ATP2A2: variants seen among roughly 807,000 people sequenced by gnomAD.
ATP2A2 encodes sarcoplasmic/endoplasmic reticulum calcium ATPase 2.
A neutral mutation model predicts 109.3 loss-of-function variants in ATP2A2; 14 were observed. The ratio of observed to expected loss-of-function variants is 0.13; its 90% confidence interval spans 0.08 to 0.20. ATP2A2 has a LOEUF of 0.20. Ranked by LOEUF, ATP2A2 falls within the 10% of genes least tolerant of loss-of-function variation. The pLI is 1.00. For synonymous variants in ATP2A2, 506 were observed against 490.9 expected (o/e 1.03, Z -0.41); for missense variants, 657 against 1,321.6 (o/e 0.50, Z 7.80).
At position 110,348,532 on chromosome 12, in the gene ATP2A2, G is replaced by A. The variant is rs1346310504; in HGVS notation, c.*2062G>A. Reference sequence around the variant, plus strand: ...GTGCTGCTGAGTTCAGAGGGCCCACGTTCAAGGGATGGAGGTGGAACCTGG... The same window carrying A: ...GTGCTGCTGAGTTCAGAGGGCCCACATTCAAGGGATGGAGGTGGAACCTGG... On this transcript the variant is annotated 3_prime_UTR_variant, in exon 20 of 20. Coordinates refer to ENST00000539276, the MANE Select transcript of ATP2A2 (RefSeq NM_170665.4). 2 of 985,548 alleles carry A rather than the reference G, an allele frequency of 2.0e-6. No homozygotes were observed. Among genetic ancestry groups the A allele is most frequent in the Non-Finnish European group, 2.4e-6 (2 of 830,050 alleles). 61.1% of individuals were successfully genotyped at this position (985,548 alleles called of 1,614,324 possible).
rs549408499 is a variant in ATP2A2 at position 110,349,420 on chromosome 12, T to C, written c.*2950T>C. ...CGCTTGTTGCCACCCCGTGCCTCCCTTGGCCTCTCTGAGCTTTGCCCAGAA... is the reference window on the plus strand; with the variant it reads ...CGCTTGTTGCCACCCCGTGCCTCCCCTGGCCTCTCTGAGCTTTGCCCAGAA... On this transcript the variant is annotated 3_prime_UTR_variant, in exon 20 of 20. Transcript: ENST00000539276. The C allele has an allele frequency of 8.1e-6, 8 of 985,534 alleles. No homozygotes were observed. In the South Asian group the frequency reaches 3.3e-4, roughly 41 times the overall value. 61.0% of individuals were successfully genotyped at this position (985,534 alleles called of 1,614,324 possible). A position where few individuals can be genotyped will look rare whatever the true frequency, so the allele number is the denominator to read the frequency against.
intron 11 of ATP2A2, 156 bp downstream of exon 11, chr12:110,334,299 G>A (rs1878623561): frequency 2.1e-6 from 2 of 944,614 alleles, no homozygotes; most frequent in Admixed American, 4.0e-5. Context: ...CAGGTAAGAT[G>A]CTCTTCCTGT....
intron 3 of ATP2A2, among the ~76,000 whole-genome samples, chr12:110,291,104 C>A (rs1039651772): frequency 6.6e-6 from 1 of 152,074 alleles, no homozygotes; most frequent in African/African-American, 2.4e-5. Flanking sequence ...GATAGGGTTT[C>A]TTCGTGTTGG....
chr12:110,318,973 C>T (rs566793116), intron 5 of ATP2A2, among the ~76,000 whole-genome samples: 45 of 152,248 alleles, frequency 3.0e-4, no homozygotes, highest in African/African-American at 1.1e-3. Context: ...GGATCCATGA[C>T]TCTAGCTATT....
intron 1 of ATP2A2, 54 bp from the exon 2 acceptor site, chr12:110,282,546 CTTTT>C: frequency 4.6e-6 from 6 of 1,315,446 alleles, no homozygotes; most frequent in South Asian, 3.7e-5. Flanking sequence ...ATGTCTCTCT[CTTTT>C]TTTTTTTAAC....
rs182252513 is a variant in ATP2A2 at position 110,298,903 on chromosome 12, A to T, written c.463+2166A>T. 1.9e-4 allele frequency among the ~76,000 whole-genome samples: 29 copies of T among 152,300 alleles called. 1 individual carries two copies. The highest frequency in any genetic ancestry group is 1.8e-3 in the Admixed American group (27 of 15,288). Reference sequence around the variant, plus strand: ...GGATGTTCTCTTATATAACCTCAGTATGATTATCAGAATTAGGAAATTGAT... The same window carrying T: ...GGATGTTCTCTTATATAACCTCAGTTTGATTATCAGAATTAGGAAATTGAT... On this transcript the variant is annotated intron_variant, in intron 5 of 19. Transcript: ENST00000539276.
chr12:110,348,587 T>C lies in ATP2A2; in HGVS notation c.*2117T>C, dbSNP rs1282063897. 19 of 985,142 alleles carry C rather than the reference T, an allele frequency of 1.9e-5. No homozygotes were observed. Among genetic ancestry groups the C allele is most frequent in the Non-Finnish European group, 2.3e-5 (19 of 830,024 alleles). 61.0% of individuals were successfully genotyped at this position (985,142 alleles called of 1,614,324 possible). Reference sequence around the variant, plus strand: ...CGACTCTTAAAAGCACAGTCCGTGGTTGGGTGTGGTGGCTCATGCCTGTAA... The same window carrying C: ...CGACTCTTAAAAGCACAGTCCGTGGCTGGGTGTGGTGGCTCATGCCTGTAA... On this transcript the variant is annotated 3_prime_UTR_variant, in exon 20 of 20. Transcript: ENST00000539276.
chr12:110,343,205 T>C (rs1034784843), intron 15 of ATP2A2, 27 bp from the exon 16 acceptor site: 8 of 1,609,608 alleles, frequency 5.0e-6, no homozygotes, highest in Non-Finnish European at 6.8e-6. Flanking sequence ...TGGGCTCTCT[T>C]TGTCTTCTTT....
chr12:110,322,975 T>C lies in ATP2A2; in HGVS notation c.464-17T>C. On this transcript the variant is annotated splice_polypyrimidine_tract_variant and intron_variant, in intron 5 of 19. Coordinates refer to ENST00000539276, the MANE Select transcript of ATP2A2 (RefSeq NM_170665.4). ...AAAAGTTGCTCATTTCAGCCGCCTT[T>C]TTTTTCTCCTAATTAGTTGGTGACA... is the stretch of plus-strand genomic sequence containing the variant. The C allele has an allele frequency of 6.3e-7, 1 of 1,597,890 alleles. No individual in the cohort carries two copies.
chr12:110,322,700 GA>G (rs1877369625), intron 5 of ATP2A2, among the ~76,000 whole-genome samples: 1 of 152,168 alleles, frequency 6.6e-6, no homozygotes, highest in Non-Finnish European at 1.5e-5. Context: ...TCTTTAAAGT[GA>G]AAGCTTGAAG....
intron 5 of ATP2A2, among the ~76,000 whole-genome samples, chr12:110,299,686 C>T (rs1325140842): frequency 6.6e-6 from 1 of 152,082 alleles, no homozygotes; most frequent in Non-Finnish European, 1.5e-5. Flanking sequence ...ATGGCACCAT[C>T]ACGGCTCACT....
At position 110,348,973 on chromosome 12, in the gene ATP2A2, G is replaced by C. The variant is rs1307781354; in HGVS notation, c.*2503G>C. 1.3e-5 allele frequency: 13 copies of C among 985,272 alleles called. No individual in the cohort carries two copies. The South Asian group carries it at 4.2e-4, about 32-fold the overall frequency. 61.0% of individuals were successfully genotyped at this position (985,272 alleles called of 1,614,324 possible). A position where few individuals can be genotyped will look rare whatever the true frequency, so the allele number is the denominator to read the frequency against. On this transcript the variant is annotated 3_prime_UTR_variant, in exon 20 of 20. Transcript: ENST00000539276. ...CCTGACTCAGTTCCTTGACTTAGTG[G>C]CCTTTACAAAAAAAGTTGAGTAGTG...
At chr12:110,333,035 C>G in intron 9 of ATP2A2, 146 bp from the exon 10 acceptor site, 1 of 757,192 alleles carries the variant, frequency 1.3e-6, no homozygotes, top group Non-Finnish European at 2.3e-6. Flanking sequence ...AATATTGGCT[C>G]TGGCATCAAA....
intron 9 of ATP2A2, 152 bp from the exon 10 acceptor site, chr12:110,333,029 T>C: frequency 2.7e-6 from 2 of 742,036 alleles, no homozygotes; most frequent in Non-Finnish European, 4.8e-6. Context: ...TTGTCTAATA[T>C]TGGCTCTGGC....
chr12:110,344,603 A>AG (rs1879665211), intron 16 of ATP2A2, among the ~76,000 whole-genome samples: 1 of 152,218 alleles, frequency 6.6e-6, no homozygotes, highest in Non-Finnish European at 1.5e-5. Context: ...AGGCACGGCA[A>AG]GGGGAAAGGT....
intron 3 of ATP2A2, among the ~76,000 whole-genome samples, chr12:110,287,783 T>G (rs1043042542): frequency 1.3e-5 from 2 of 151,580 alleles, no homozygotes; most frequent in Admixed American, 6.6e-5. Context: ...CCCGGGTAAT[T>G]TTTTGTATTT....
Position 110,339,268 on chromosome 12 carries a change from G to A in ATP2A2, c.1420-13G>A. ...TTGCCACCCAGTAGTATCCATATTTGTTCCCTTTGTAGGTCATTAAACAGC... is the reference window on the plus strand; with the variant it reads ...TTGCCACCCAGTAGTATCCATATTTATTCCCTTTGTAGGTCATTAAACAGC... On this transcript the variant is annotated splice_polypyrimidine_tract_variant and intron_variant, in intron 11 of 19. Coordinates refer to ENST00000539276, the MANE Select transcript of ATP2A2 (RefSeq NM_170665.4). This position sits in a 1 kb window ranked among gnomAD's most constrained non-coding sequence, Gnocchi z 4.4. 1 of 1,613,722 alleles carries A rather than the reference G, an allele frequency of 6.2e-7. No individual in the cohort carries two copies. Among genetic ancestry groups the A allele is most frequent in the African/African-American group, 1.3e-5 (1 of 75,008 alleles).
chr12:110,302,037 G>A (rs571012027), intron 5 of ATP2A2, among the ~76,000 whole-genome samples: 1 of 152,280 alleles, frequency 6.6e-6, no homozygotes, highest in Non-Finnish European at 1.5e-5. Flanking sequence ...GCATTTGATA[G>A]TTTAGAAAGG....
At chr12:110,300,639 C>T (rs1241174549) in intron 5 of ATP2A2, among the ~76,000 whole-genome samples, 4 of 146,868 alleles carry the variant, frequency 2.7e-5, no homozygotes, top group South Asian at 2.2e-4. Flanking sequence ...CCACCATGCC[C>T]GGCCTTTTTT....
Sources: gnomAD v4.1 joint callset for allele counts (sites outside exome capture counted in the v4.1 genomes callset) on GRCh38, gnomAD v4.1.1 for gene constraint, Gnocchi (gnomAD v3.1) non-coding constraint, MANE v1.5 for transcripts, NCBI Gene and HGNC (gene_info 2026-07-23, HGNC 2026-07-21) for gene names.